Variants in RBFOX1 observed in about 807,000 individuals in gnomAD.
RBFOX1 encodes RNA binding fox-1 homolog 1.
RBFOX1 carries 8 observed loss-of-function variants against 57.7 expected under a neutral mutation model. The ratio of observed to expected loss-of-function variants is 0.14; its 90% CI spans 0.08 to 0.25. The LOEUF is 0.25. RBFOX1 is among the 10% of genes least tolerant of loss of function. The pLI, the probability that RBFOX1 is intolerant of heterozygous loss-of-function variation, is 1.00. For synonymous variants in RBFOX1, 326 were observed against 222.4 expected (o/e 1.47, Z -4.15); for missense variants, 611 against 548.5 (o/e 1.11, Z -1.14).
At chr16:7,362,587 G>A (rs1444912665) in intron 4 of RBFOX1, among the ~76,000 whole-genome samples, 1 of 151,940 alleles carries the variant, frequency 6.6e-6, no homozygotes, top group Non-Finnish European at 1.5e-5. Flanking sequence ...GTGTGTATTA[G>A]TGTGTGGATG....
chr16:7,380,186 A>G (rs2097762488), intron 4 of RBFOX1, among the ~76,000 whole-genome samples: 1 of 152,156 alleles, frequency 6.6e-6, no homozygotes, highest in African/African-American at 2.4e-5. Flanking sequence ...ACCTTTTGGT[A>G]TGTCTGAACT....
chr16:5,994,745 G>GCTA (rs1420848449), intron 4 of RBFOX1, among the ~76,000 whole-genome samples: 2 of 152,170 alleles, frequency 1.3e-5, no homozygotes, highest in African/African-American at 4.8e-5. Context: ...TGGCCCATGG[G>GCTA]CAGTAGTTTG....
At chr16:7,261,772 C>G (rs544437803) in intron 4 of RBFOX1, among the ~76,000 whole-genome samples, 3 of 152,106 alleles carry the variant, frequency 2.0e-5, no homozygotes, top group Non-Finnish European at 2.9e-5. Flanking sequence ...AGTGAGATCA[C>G]GAGAGCCTGA....
At chr16:7,281,902 C>G (rs774188590) in intron 4 of RBFOX1, among the ~76,000 whole-genome samples, 12 of 151,960 alleles carry the variant, frequency 7.9e-5, no homozygotes, top group Non-Finnish European at 1.6e-4. Flanking sequence ...ACTCTGTCAC[C>G]CAGGATGGAC....
chr16:7,156,818 C>T (rs962320722), intron 4 of RBFOX1, among the ~76,000 whole-genome samples: 3 of 152,150 alleles, frequency 2.0e-5, no homozygotes, highest in South Asian at 2.1e-4. Context: ...TGTACATGCA[C>T]AATTATAGGA....
At position 6,659,209 on chromosome 16, in the gene RBFOX1, G is replaced by A. The variant is rs533207989; in HGVS notation, c.-16+4559G>A. On this transcript the variant is annotated intron_variant, in intron 3 of 15. Coordinates refer to ENST00000550418, the MANE Select transcript of RBFOX1 (RefSeq NM_018723.4). Reference sequence around the variant, plus strand: ...GGAGAGGCTGATGGATCAGTCAGGGGGAGAATCTGTCAAGAGGAGACGAGA... The same window carrying A: ...GGAGAGGCTGATGGATCAGTCAGGGAGAGAATCTGTCAAGAGGAGACGAGA... 4.8e-5 allele frequency among the ~76,000 whole-genome samples: 7 copies of A among 146,636 alleles called. No homozygotes were observed. The South Asian group carries it at 1.6e-3, about 33-fold the overall frequency.
At chr16:6,478,697 G>C (rs535178383) in intron 2 of RBFOX1, among the ~76,000 whole-genome samples, 6 of 151,950 alleles carry the variant, frequency 3.9e-5, no homozygotes, top group Admixed American at 6.6e-5. Context: ...TTTCAAGATT[G>C]TTGTGCCTTA....
chr16:6,636,873 G>A (rs1161896628), intron 2 of RBFOX1, among the ~76,000 whole-genome samples: 1 of 122,498 alleles, frequency 8.2e-6, no homozygotes, highest in African/African-American at 3.1e-5. Context: ...TATATTATAT[G>A]TTTAATATAT....
At chr16:6,080,899 T>C (rs1463265596) in intron 1 of RBFOX1, among the ~76,000 whole-genome samples, 2 of 152,158 alleles carry the variant, frequency 1.3e-5, no homozygotes, top group Non-Finnish European at 2.9e-5. Context: ...TTTTAAAGTA[T>C]TTGAAGAGAA....
intron 3 of RBFOX1, among the ~76,000 whole-genome samples, chr16:7,005,101 G>A (rs186472467): frequency 0.011 from 1,681 of 152,174 alleles, 14 homozygotes; most frequent in Non-Finnish European, 0.017. Context: ...CTGAGATCGC[G>A]TCATTGCACT....
chr16:5,419,941 C>T (rs1283874200), intron 1 of RBFOX1, among the ~76,000 whole-genome samples: 1 of 152,072 alleles, frequency 6.6e-6, no homozygotes, highest in African/African-American at 2.4e-5. Flanking sequence ...CCCATGTGAG[C>T]TTGGAGGCAG....
chr16:5,977,481 G>A (rs535443913), intron 4 of RBFOX1, among the ~76,000 whole-genome samples: 5 of 152,144 alleles, frequency 3.3e-5, no homozygotes, highest in African/African-American at 4.8e-5. Flanking sequence ...GGAGAGACAC[G>A]TACTTGGGGC....
chr16:5,521,953 G>C (rs1168641914), intron 2 of RBFOX1, among the ~76,000 whole-genome samples: 1 of 152,170 alleles, frequency 6.6e-6, no homozygotes, highest in African/African-American at 2.4e-5. Flanking sequence ...TACAGAGGAG[G>C]CTGAGGAGGG....
chr16:6,611,840 T>A (rs1601499296), intron 2 of RBFOX1, among the ~76,000 whole-genome samples: 1 of 152,150 alleles, frequency 6.6e-6, no homozygotes, highest in East Asian at 1.9e-4. Flanking sequence ...AGGCCCTGTC[T>A]CCCGCTGGGC....
intron 1 of RBFOX1, among the ~76,000 whole-genome samples, chr16:5,349,785 C>CA (rs2065222307): frequency 1.3e-5 from 2 of 152,240 alleles, no homozygotes; most frequent in Non-Finnish European, 2.9e-5. Context: ...GCGGGGACCA[C>CA]AGGAGCCGGG....
intron 1 of RBFOX1, among the ~76,000 whole-genome samples, chr16:5,380,699 C>T (rs576094396): frequency 6.6e-6 from 1 of 152,290 alleles, no homozygotes; most frequent in South Asian, 2.1e-4. Context: ...ACAGAGAGGG[C>T]AAGTAAGTTG....
At chr16:7,422,316 G>C (rs577586687) in intron 4 of RBFOX1, among the ~76,000 whole-genome samples, 1 of 152,298 alleles carries the variant, frequency 6.6e-6, no homozygotes, top group South Asian at 2.1e-4. Flanking sequence ...ACCCACACAG[G>C]AGAGCAAGTG....
At chr16:6,685,222 C>T (rs918321759) in intron 3 of RBFOX1, among the ~76,000 whole-genome samples, 1 of 151,298 alleles carries the variant, frequency 6.6e-6, no homozygotes, top group Non-Finnish European at 1.5e-5. Flanking sequence ...TTAATCATTA[C>T]ACTGGCAATA....
At chr16:6,258,411 T>C (rs2097681859) in intron 1 of RBFOX1, among the ~76,000 whole-genome samples, 1 of 152,218 alleles carries the variant, frequency 6.6e-6, no homozygotes, top group Non-Finnish European at 1.5e-5. Context: ...TTAGAATGAG[T>C]GTGTTTTTGA....
Sources: gnomAD v4.1 joint callset for allele counts (sites outside exome capture counted in the v4.1 genomes callset) on GRCh38, gnomAD v4.1.1 for gene constraint, MANE v1.5 for transcripts, NCBI Gene and HGNC (gene_info 2026-07-23, HGNC 2026-07-21) for gene names.